Variants in UTS2B observed in about 807,000 individuals in gnomAD.
The protein encoded by UTS2B is urotensin 2B, also known as urotensin-2B.
UTS2B carries 21 observed loss-of-function variants against 19.2 expected under a neutral mutation model. That is an observed-to-expected ratio of 1.09 (90% CI 0.78 to 1.58). The LOEUF is 1.58. UTS2B is among the 40% of genes most tolerant of loss of function. The probability of loss-of-function intolerance (pLI) is 0.00; values close to 1 mark genes in which losing one functional copy is unlikely to be tolerated. For missense variants in UTS2B, 138 were observed against 130.3 expected (o/e 1.06, Z -0.29); for synonymous variants, 57 against 50.2 (o/e 1.14, Z -0.58).
In UTS2B at chr3:191,268,462, C is replaced by T. The variant is rs188817973; in HGVS notation, c.335-21G>A. 103 of 1,516,628 alleles carry T rather than the reference C, an allele frequency of 6.8e-5. No individual in the cohort carries two copies. In the African/African-American group the frequency reaches 9.7e-4, roughly 14 times the overall value. The allele number at this position is 1,516,628 out of a possible 1,614,324, so 93.9% of individuals were successfully genotyped here. On this transcript the variant is annotated intron_variant, in intron 8 of 8. Coordinates refer to ENST00000340524, the MANE Select transcript of UTS2B (RefSeq NM_198152.5). ...GCAAGCTAAAGAAGAAAACAAAATA[C>T]ATTTTTTATTAGAAGTATATTTGAT...
At chr3:191,283,206 G>C (rs1475940412) in intron 4 of UTS2B, among the ~76,000 whole-genome samples, 1 of 152,102 alleles carries the variant, frequency 6.6e-6, no homozygotes, top group Non-Finnish European at 1.5e-5. Flanking sequence ...ATTTAGGCTT[G>C]TTTTTCCTTT....
At chr3:191,319,943 C>G (rs1717571030) in intron 2 of UTS2B, among the ~76,000 whole-genome samples, 1 of 150,070 alleles carries the variant, frequency 6.7e-6, no homozygotes, top group Admixed American at 6.7e-5. Flanking sequence ...TCAGCATAGT[C>G]TAGATACACT....
rs1196572146 is a variant in UTS2B, at chr3:191,316,057, T to C, written c.-203A>G. On this transcript the variant is annotated 5_prime_UTR_variant, in exon 3 of 9. Transcript: ENST00000340524. ...TTACCTGTGTCACAGGTGGCTTCTC[T>C]TGACATAGCTCAAGTGGGTTTTGAA... 6.6e-6 allele frequency: 1 copy of C among 152,240 alleles called. No individual in the cohort carries two copies. Among genetic ancestry groups the C allele is most frequent in the Non-Finnish European group, 1.5e-5 (1 of 68,062 alleles). 9.4% of individuals were successfully genotyped at this position (152,240 alleles called of 1,614,324 possible). A position where few individuals can be genotyped will look rare whatever the true frequency, so the allele number is the denominator to read the frequency against.
intron 4 of UTS2B, among the ~76,000 whole-genome samples, chr3:191,285,476 G>A (rs1335714023): frequency 6.6e-6 from 1 of 152,134 alleles, no homozygotes; most frequent in Non-Finnish European, 1.5e-5. Context: ...AATGGCACTA[G>A]TAATTTTTTA....
At chr3:191,303,605 G>A (rs1560142050) in intron 4 of UTS2B, among the ~76,000 whole-genome samples, 1 of 151,624 alleles carries the variant, frequency 6.6e-6, no homozygotes, top group Non-Finnish European at 1.5e-5. Context: ...CATGTTACGA[G>A]GTTTAAAATC....
chr3:191,335,960 T>G, the UTS2B span, among the ~76,000 whole-genome samples: 1 of 149,940 alleles, frequency 6.7e-6, no homozygotes, highest in African/African-American at 2.4e-5. Context: ...TGATTTGTTT[T>G]CTGCCCTTGT....
At chr3:191,277,348 C>T (rs1716264914) in intron 6 of UTS2B, among the ~76,000 whole-genome samples, 1 of 151,858 alleles carries the variant, frequency 6.6e-6, no homozygotes, top group Admixed American at 6.6e-5. Flanking sequence ...AGTTTAAAAA[C>T]CCTGAATTTT....
chr3:191,322,967 C>G (rs943138315), intron 2 of UTS2B, among the ~76,000 whole-genome samples: 3 of 152,154 alleles, frequency 2.0e-5, no homozygotes, highest in African/African-American at 7.2e-5. Flanking sequence ...GAAAGCCCCA[C>G]AGACTGCTTT....
At chr3:191,345,154 T>C in the UTS2B span, among the ~76,000 whole-genome samples, 4 of 152,206 alleles carry the variant, frequency 2.6e-5, no homozygotes, top group Admixed American at 1.3e-4. Context: ...TGTTAATACC[T>C]GCATCAGCAT....
At chr3:191,276,536 A>G (rs1363719862) in intron 7 of UTS2B, among the ~76,000 whole-genome samples, 2 of 152,208 alleles carry the variant, frequency 1.3e-5, no homozygotes. Flanking sequence ...TGTTTGCCCC[A>G]GGTTTCACAG....
chr3:191,290,653 G>C (rs12495011), intron 4 of UTS2B, among the ~76,000 whole-genome samples: 5 of 151,904 alleles, frequency 3.3e-5, no homozygotes, highest in Non-Finnish European at 7.4e-5. Context: ...AGAAACATTT[G>C]AACTTTGTAT....
At chr3:191,303,833 T>C (rs1223289061) in intron 4 of UTS2B, among the ~76,000 whole-genome samples, 1 of 151,834 alleles carries the variant, frequency 6.6e-6, no homozygotes, top group Non-Finnish European at 1.5e-5. Flanking sequence ...CCAATGCTCA[T>C]GCCATTTAAG....
Position 191,282,088 on chromosome 3 carries a change from T to G in UTS2B, c.102A>C (p.Gln34His). The G allele has an allele frequency of 6.2e-7, 1 of 1,604,708 alleles. No homozygotes were observed. Among genetic ancestry groups the G allele is most frequent in the Non-Finnish European group, 8.5e-7 (1 of 1,172,696 alleles). ...QSVHGRPYLTQGNEIFPDKKY... is the reference protein window; with the variant it reads ...QSVHGRPYLTHGNEIFPDKKY... ...GATTTTTAATTGATATGCACGTACCTTGGGTAAGATATGGTCGTCCATGCA... is the reference window on the plus strand; with the variant it reads ...GATTTTTAATTGATATGCACGTACCGTGGGTAAGATATGGTCGTCCATGCA... Residue 34 changes from glutamine (Q) to histidine (H), a missense_variant and splice_region_variant, in exon 5 of 9, where the codon CAA (glutamine) becomes CAC (histidine). Physicochemically the swap from Gln to His is conservative, Grantham distance 24. Transcript: ENST00000340524.
chr3:191,292,086 C>A, intron 4 of UTS2B, among the ~76,000 whole-genome samples: 1 of 148,808 alleles, frequency 6.7e-6, no homozygotes, highest in Non-Finnish European at 1.5e-5. Context: ...CTTGCATTTC[C>A]ATATACATTG....
At chr3:191,326,989 T>C (rs1484689081) in intron 2 of UTS2B, among the ~76,000 whole-genome samples, 2 of 152,342 alleles carry the variant, frequency 1.3e-5, no homozygotes, top group South Asian at 2.1e-4. Flanking sequence ...GTTGTGGCTA[T>C]TATATATGTT....
chr3:191,296,986 G>A (rs888633841), intron 4 of UTS2B, among the ~76,000 whole-genome samples: 16 of 152,114 alleles, frequency 1.1e-4, no homozygotes, highest in South Asian at 4.2e-4. Context: ...TCATAGAACA[G>A]GCAATAAACT....
chr3:191,326,918 G>A (rs1365640205), intron 2 of UTS2B, among the ~76,000 whole-genome samples: 1 of 152,242 alleles, frequency 6.6e-6, no homozygotes, highest in Non-Finnish European at 1.5e-5. Context: ...TCTAGTACCT[G>A]AAAAGGGCTC....
chr3:191,270,726 T>C (rs548472663), intron 8 of UTS2B, among the ~76,000 whole-genome samples: 6 of 152,312 alleles, frequency 3.9e-5, no homozygotes, highest in African/African-American at 1.4e-4. Context: ...TTTCCTCTGC[T>C]GAATTCAACT....
At chr3:191,272,102 T>C (rs1716109446) in intron 8 of UTS2B, among the ~76,000 whole-genome samples, 1 of 152,104 alleles carries the variant, frequency 6.6e-6, no homozygotes, top group South Asian at 2.1e-4. Flanking sequence ...ATGCATGAAG[T>C]GAAGGAAAAA....
Sources: allele counts gnomAD v4.1 joint callset (sites outside exome capture counted in the v4.1 genomes callset), GRCh38; gene constraint gnomAD v4.1.1; transcripts MANE v1.5; gene names NCBI Gene and HGNC (gene_info 2026-07-23, HGNC 2026-07-21).